Variants in SPMIP7 observed in about 807,000 individuals in gnomAD.
SPMIP7 encodes the protein protein SPMIP7.
chr7:50,132,732 ATAAG>A, the SPMIP7 span, among the ~76,000 whole-genome samples: 1 of 152,216 alleles, frequency 6.6e-6, no homozygotes. Context: ...TAATTTTAAG[ATAAG>A]TAAGTTCTAA....
At chr7:50,159,236 A>G in the SPMIP7 span, 18 of 1,515,916 alleles carry the variant, frequency 1.2e-5, no homozygotes, top group Non-Finnish European at 1.6e-5. Flanking sequence ...GGTGGGAAAT[A>G]AAGGCTGCTT....
chr7:50,123,656 C>A, the SPMIP7 span, among the ~76,000 whole-genome samples: 1 of 151,842 alleles, frequency 6.6e-6, no homozygotes, highest in African/African-American at 2.4e-5. Context: ...TCTAAGTGAA[C>A]TGTGGAGAGT....
the SPMIP7 span, among the ~76,000 whole-genome samples, chr7:50,132,170 C>A: frequency 6.6e-6 from 1 of 152,078 alleles, no homozygotes; most frequent in Non-Finnish European, 1.5e-5. Flanking sequence ...ATCTTAGAAT[C>A]CAACTCTAAG....
the SPMIP7 span, chr7:50,141,366 C>A: frequency 2.6e-6 from 4 of 1,550,398 alleles, no homozygotes; most frequent in Non-Finnish European, 2.6e-6. Flanking sequence ...GTACTCTAAG[C>A]CTCTTTATAC....
chr7:50,135,011 A>T, the SPMIP7 span, among the ~76,000 whole-genome samples: 1 of 152,210 alleles, frequency 6.6e-6, no homozygotes, highest in African/African-American at 2.4e-5. Flanking sequence ...TTGCCCAAAC[A>T]TCACCCCACA....
At chr7:50,095,967 T>G in the SPMIP7 span, 6 of 642,706 alleles carry the variant, frequency 9.3e-6, no homozygotes, top group Non-Finnish European at 1.4e-5. Flanking sequence ...GAAAGCTGTG[T>G]CAATTTTATA....
At chr7:50,120,212 A>C in the SPMIP7 span, 12 of 152,310 alleles carry the variant, frequency 7.9e-5, no homozygotes, top group African/African-American at 2.6e-4. Flanking sequence ...ACTAACCTTA[A>C]AGTGGAATGA....
the SPMIP7 span, among the ~76,000 whole-genome samples, chr7:50,123,645 C>T: frequency 1.3e-5 from 2 of 151,614 alleles, no homozygotes; most frequent in Non-Finnish European, 2.9e-5. Context: ...GGTATGTTAA[C>T]TCTAAGTGAA....
the SPMIP7 span, among the ~76,000 whole-genome samples, chr7:50,157,186 G>A: frequency 6.6e-6 from 1 of 152,120 alleles, no homozygotes; most frequent in African/African-American, 2.4e-5. Context: ...GATGCCAAGG[G>A]GTCCATGGCC....
the SPMIP7 span, chr7:50,096,473 C>T: frequency 6.4e-7 from 1 of 1,551,702 alleles, no homozygotes; most frequent in Non-Finnish European, 8.7e-7. Context: ...CATACCAACC[C>T]TAGTGGATTT....
the SPMIP7 span, chr7:50,159,074 C>T: frequency 6.4e-7 from 1 of 1,551,976 alleles, no homozygotes; most frequent in African/African-American, 1.4e-5. Context: ...GGCAGTTGAC[C>T]TCTTCCGTCA....
the SPMIP7 span, chr7:50,096,140 A>G: frequency 9.7e-6 from 15 of 1,545,348 alleles, no homozygotes; most frequent in South Asian, 1.2e-4. Flanking sequence ...TAAAAGGTCC[A>G]TCCTTTCAGG....
the SPMIP7 span, among the ~76,000 whole-genome samples, chr7:50,101,922 AC>A: frequency 6.6e-6 from 1 of 152,340 alleles, no homozygotes; most frequent in East Asian, 1.9e-4. Context: ...TAATAAATTG[AC>A]ACAAACTTTC....
the SPMIP7 span, among the ~76,000 whole-genome samples, chr7:50,113,259 C>T: frequency 2.0e-5 from 3 of 152,058 alleles, no homozygotes; most frequent in Non-Finnish European, 4.4e-5. Context: ...CTTCCAGCAA[C>T]CAACCAACAA....
chr7:50,134,336 G>C, the SPMIP7 span: 7 of 1,127,040 alleles, frequency 6.2e-6, no homozygotes, highest in Non-Finnish European at 7.3e-6. Context: ...TTATTTTATT[G>C]TTAACAATAC....
At chr7:50,138,325 A>G in the SPMIP7 span, among the ~76,000 whole-genome samples, 3 of 152,226 alleles carry the variant, frequency 2.0e-5, no homozygotes, top group Non-Finnish European at 4.4e-5. Flanking sequence ...ATTTGCAAAA[A>G]TGAAGTTGAA....
the SPMIP7 span, chr7:50,096,529 A>G: frequency 2.8e-5 from 43 of 1,551,756 alleles, no homozygotes; most frequent in Non-Finnish European, 3.6e-5. Context: ...CAGACACAGG[A>G]TTTCAAACAA....
At chr7:50,137,172 T>C in the SPMIP7 span, among the ~76,000 whole-genome samples, 1 of 152,118 alleles carries the variant, frequency 6.6e-6, no homozygotes, top group Non-Finnish European at 1.5e-5. Flanking sequence ...ATATTTTTGT[T>C]CATATGAAAA....
At chr7:50,149,063 T>A in the SPMIP7 span, among the ~76,000 whole-genome samples, 1 of 152,034 alleles carries the variant, frequency 6.6e-6, no homozygotes, top group East Asian at 1.9e-4. Context: ...GAGAACCACT[T>A]GAACCCAGGA....
Sources: allele counts gnomAD v4.1 joint callset (sites outside exome capture counted in the v4.1 genomes callset), GRCh38; gene constraint gnomAD v4.1.1; transcripts MANE v1.5; gene names NCBI Gene and HGNC (gene_info 2026-07-23, HGNC 2026-07-21).